BMPER: variants seen among roughly 807,000 people sequenced by gnomAD.
BMPER encodes BMP-binding endothelial regulator protein.
BMPER carries 45 observed loss-of-function variants against 87.3 expected under a neutral mutation model. That is an observed-to-expected ratio of 0.52 (90% CI 0.41 to 0.66). The LOEUF is 0.66. Ranked by LOEUF, BMPER falls within the 30% of genes least tolerant of loss-of-function variation. The pLI is 0.00. For synonymous variants in BMPER, 326 were observed against 316.2 expected (o/e 1.03, Z -0.33); for missense variants, 784 against 867.5 (o/e 0.90, Z 1.21).
At chr7:33,970,664 C>T (rs1421490895) in intron 5 of BMPER, among the ~76,000 whole-genome samples, 1 of 152,192 alleles carries the variant, frequency 6.6e-6, no homozygotes, top group Non-Finnish European at 1.5e-5. Context: ...TTCCACTCCA[C>T]AGGGCCACAG....
At chr7:34,014,991 C>T (rs993552758) in intron 6 of BMPER, among the ~76,000 whole-genome samples, 1 of 151,816 alleles carries the variant, frequency 6.6e-6, no homozygotes, top group Admixed American at 6.6e-5. Flanking sequence ...GTCCCTTCTT[C>T]TAGGGGGGAG....
chr7:33,983,115 T>C (rs1029529557), intron 6 of BMPER, among the ~76,000 whole-genome samples: 3 of 152,200 alleles, frequency 2.0e-5, no homozygotes, highest in African/African-American at 7.2e-5. Context: ...TTGAAACCAG[T>C]AGGGGGCTCA....
chr7:33,949,352 C>T (rs1319142912), intron 3 of BMPER, among the ~76,000 whole-genome samples: 4 of 152,178 alleles, frequency 2.6e-5, no homozygotes, highest in Middle Eastern at 3.2e-3. Context: ...TTAACCCCAG[C>T]GACTTTGTCC....
chr7:33,992,120 A>T (rs1786238817), intron 6 of BMPER, among the ~76,000 whole-genome samples: 1 of 151,942 alleles, frequency 6.6e-6, no homozygotes, highest in Non-Finnish European at 1.5e-5. Flanking sequence ...AGTTCTGTAG[A>T]TGCCTATTAG....
At chr7:34,147,040 C>T (rs1297628311) in intron 14 of BMPER, among the ~76,000 whole-genome samples, 1 of 152,192 alleles carries the variant, frequency 6.6e-6, no homozygotes, top group East Asian at 1.9e-4. Context: ...TGTCACTGCA[C>T]ATTCAGTCAT....
At chr7:34,085,668 C>T in intron 12 of BMPER, 88 bp from the exon 13 acceptor site, 1 of 1,252,270 alleles carries the variant, frequency 8.0e-7, no homozygotes, top group Non-Finnish European at 1.1e-6. Context: ...GACAGTCAGT[C>T]ATATGTTCTG....
chr7:33,932,653 C>T (rs916522810), intron 2 of BMPER, among the ~76,000 whole-genome samples: 3 of 152,090 alleles, frequency 2.0e-5, no homozygotes, highest in African/African-American at 7.2e-5. Context: ...ATAAAGGATC[C>T]GCCCGCAGAC....
At chr7:34,151,328 A>G (rs967086891) in intron 14 of BMPER, among the ~76,000 whole-genome samples, 2 of 152,212 alleles carry the variant, frequency 1.3e-5, no homozygotes, top group South Asian at 4.1e-4. Flanking sequence ...TGTGTGTGCT[A>G]GAGATGTAGT....
At chr7:34,057,480 A>G (rs971765909) in intron 9 of BMPER, among the ~76,000 whole-genome samples, 1 of 152,064 alleles carries the variant, frequency 6.6e-6, no homozygotes, top group Non-Finnish European at 1.5e-5. Flanking sequence ...TGGCACTTGG[A>G]GTCTTCTCTC....
At chr7:34,083,846 C>T (rs1413130149) in intron 12 of BMPER, among the ~76,000 whole-genome samples, 1 of 152,114 alleles carries the variant, frequency 6.6e-6, no homozygotes, top group African/African-American at 2.4e-5. Context: ...CCCATCACCA[C>T]CTCATCTTCC....
chr7:34,146,719 G>A (rs565034723), intron 14 of BMPER, among the ~76,000 whole-genome samples: 1 of 152,198 alleles, frequency 6.6e-6, no homozygotes, highest in East Asian at 1.9e-4. Flanking sequence ...AAGGAAGCTG[G>A]GAGTTGAACC....
intron 2 of BMPER, among the ~76,000 whole-genome samples, chr7:33,935,956 C>T (rs6975236): frequency 0.38 from 57,494 of 151,936 alleles, 11,506 homozygotes; most frequent in African/African-American, 0.51. Context: ...AGGGCTGATA[C>T]GGAAACAGCT....
At chr7:34,022,360 G>A (rs762600502) in intron 6 of BMPER, among the ~76,000 whole-genome samples, 27 of 151,950 alleles carry the variant, frequency 1.8e-4, no homozygotes, top group Non-Finnish European at 3.7e-4. Context: ...TCCCAGTGAG[G>A]AGTGCTGCTC....
chr7:33,953,675 T>G (rs996569531), intron 3 of BMPER, among the ~76,000 whole-genome samples: 2 of 152,196 alleles, frequency 1.3e-5, no homozygotes, highest in Non-Finnish European at 2.9e-5. Flanking sequence ...TTTGATCATT[T>G]TAAAATATAC....
chr7:33,992,713 C>T (rs1281945426), intron 6 of BMPER, among the ~76,000 whole-genome samples: 6 of 150,524 alleles, frequency 4.0e-5, no homozygotes, highest in Admixed American at 6.6e-5. Context: ...TTCCTAGTCT[C>T]GATGGTCTTT....
At chr7:34,004,354 T>G (rs557224540) in intron 6 of BMPER, among the ~76,000 whole-genome samples, 9 of 152,260 alleles carry the variant, frequency 5.9e-5, no homozygotes, top group Non-Finnish European at 1.0e-4. Flanking sequence ...ATAGCTGGTT[T>G]AAAGTCTTTC....
intron 2 of BMPER, among the ~76,000 whole-genome samples, chr7:33,933,356 T>C (rs576383266): frequency 6.6e-6 from 1 of 151,812 alleles, no homozygotes; most frequent in East Asian, 1.9e-4. Flanking sequence ...GGTAGACCAC[T>C]GGCTGGCAAC....
chr7:33,987,867 A>G (rs1786054818), intron 6 of BMPER, among the ~76,000 whole-genome samples: 1 of 152,222 alleles, frequency 6.6e-6, no homozygotes, highest in South Asian at 2.1e-4. Flanking sequence ...AAAAAGGAAA[A>G]CTATAGTTTA....
At chr7:33,923,495 T>G (rs186835278) in intron 2 of BMPER, among the ~76,000 whole-genome samples, 1 of 152,288 alleles carries the variant, frequency 6.6e-6, no homozygotes, top group East Asian at 1.9e-4. Context: ...AGACTTAGGT[T>G]GGAAGGTGTG....
Sources: gnomAD v4.1 joint callset for allele counts (sites outside exome capture counted in the v4.1 genomes callset) on GRCh38, gnomAD v4.1.1 for gene constraint, MANE v1.5 for transcripts, NCBI Gene and HGNC (gene_info 2026-07-23, HGNC 2026-07-21) for gene names.